Variants in MGAT4A observed in about 807,000 individuals in gnomAD.
MGAT4A encodes the protein alpha-1,3-mannosyl-glycoprotein 4-beta-N-acetylglucosaminyltransferase A.
In MGAT4A, 33 loss-of-function variants were observed where a neutral mutation model predicts 74.1. The ratio of observed to expected loss-of-function variants is 0.45; its 90% CI spans 0.34 to 0.60. The LOEUF (loss-of-function observed/expected upper bound fraction) is 0.60, where lower values mean the gene tolerates loss of function less well. MGAT4A is among the 20% of genes least tolerant of loss of function. The probability of loss-of-function intolerance (pLI) is 0.02; values close to 1 mark genes in which losing one functional copy is unlikely to be tolerated. For synonymous variants in MGAT4A, 198 were observed against 210.4 expected (o/e 0.94, Z 0.51); for missense variants, 479 against 628.3 (o/e 0.76, Z 2.54).
At chr2:98,659,478 C>T (rs988509731) in intron 5 of MGAT4A, among the ~76,000 whole-genome samples, 1 of 152,148 alleles carries the variant, frequency 6.6e-6, no homozygotes, top group Admixed American at 6.5e-5. Context: ...TTTGAGCCAG[C>T]CAGAGCCCTA....
At chr2:98,673,844 AGAT>A (rs889889163) in intron 4 of MGAT4A, among the ~76,000 whole-genome samples, 1 of 152,316 alleles carries the variant, frequency 6.6e-6, no homozygotes, top group Admixed American at 6.5e-5. Context: ...TTAAAGGGAG[AGAT>A]GATATCAGCT....
At chr2:98,659,394 A>G (rs1701711033) in intron 5 of MGAT4A, among the ~76,000 whole-genome samples, 1 of 152,102 alleles carries the variant, frequency 6.6e-6, no homozygotes, top group East Asian at 1.9e-4. Context: ...TTGCCCCTTC[A>G]AGGACCCCAG....
chr2:98,669,518 G>A (rs1701884124), intron 4 of MGAT4A, among the ~76,000 whole-genome samples: 1 of 152,220 alleles, frequency 6.6e-6, no homozygotes, highest in Middle Eastern at 3.4e-3. Flanking sequence ...CATGAAAATG[G>A]ACTAATACAG....
chr2:98,719,416 G>A (rs990372911), intron 2 of MGAT4A, among the ~76,000 whole-genome samples: 3 of 152,156 alleles, frequency 2.0e-5, no homozygotes, highest in Non-Finnish European at 4.4e-5. Context: ...CTGAAGCTGC[G>A]GCCAGCCACT....
chr2:98,720,991 A>G (rs1702661286), intron 2 of MGAT4A, among the ~76,000 whole-genome samples: 2 of 152,230 alleles, frequency 1.3e-5, no homozygotes, highest in African/African-American at 4.8e-5. Context: ...ACCCACAAAC[A>G]CATGGTGGAA....
chr2:98,723,719 T>C (rs1158427657), intron 2 of MGAT4A, among the ~76,000 whole-genome samples: 2 of 152,210 alleles, frequency 1.3e-5, no homozygotes, highest in Non-Finnish European at 2.9e-5. Flanking sequence ...CTGGACCTGA[T>C]ATGCCCAGTG....
intron 10 of MGAT4A, 106 bp from the exon 11 acceptor site, chr2:98,640,334 G>T: frequency 3.3e-6 from 3 of 920,074 alleles, no homozygotes; most frequent in Non-Finnish European, 5.0e-6. Flanking sequence ...GAAGGGCTGG[G>T]CGCGGTGGGT....
rs563995428 is a variant in MGAT4A at position 98,640,571 on chromosome 2, T to C, written c.1021-343A>G. Among the ~76,000 whole-genome samples, 14 of 152,212 alleles carry C rather than the reference T, an allele frequency of 9.2e-5. No homozygotes were observed. In the East Asian group the frequency reaches 2.5e-3, roughly 27 times the overall value. On this transcript the variant is annotated intron_variant, in intron 10 of 15. Transcript: ENST00000393487. ...GTGAGCCGAGATCGCACCACTGCACTCCAGCCTGGGTGACAGAGTAAAACT... is the reference window on the plus strand; with the variant it reads ...GTGAGCCGAGATCGCACCACTGCACCCCAGCCTGGGTGACAGAGTAAAACT...
chr2:98,729,219 C>A (rs1249672323), intron 1 of MGAT4A, among the ~76,000 whole-genome samples: 1 of 150,518 alleles, frequency 6.6e-6, no homozygotes, highest in East Asian at 1.9e-4. Flanking sequence ...AAGATACTTA[C>A]AATAAATTCT....
At chr2:98,690,008 CA>C (rs199886729) in intron 2 of MGAT4A, among the ~76,000 whole-genome samples, 34 of 143,708 alleles carry the variant, frequency 2.4e-4, no homozygotes, top group Middle Eastern at 3.4e-3. Context: ...AACAGGAGCA[CA>C]AAAAAAAAAG....
At chr2:98,722,608 TA>T (rs1702691987) in intron 2 of MGAT4A, among the ~76,000 whole-genome samples, 1 of 152,204 alleles carries the variant, frequency 6.6e-6, no homozygotes, top group Non-Finnish European at 1.5e-5. Flanking sequence ...AAAAATGCTC[TA>T]AAATTGACTG....
rs1024595676 is a variant in MGAT4A, at chr2:98,620,521, C to A, written c.*5045G>T. The A allele has an allele frequency of 1.3e-5, 2 of 151,994 alleles. No homozygotes were observed. Among genetic ancestry groups the A allele is most frequent in the Non-Finnish European group, 2.9e-5 (2 of 67,988 alleles). The allele number at this position is 151,994 out of a possible 1,614,324, so 9.4% of individuals were successfully genotyped here. The stretch of plus-strand genomic sequence containing the variant: ...TAAGCAGAAAAATTAATGGACAAAC[C>A]AAAATAAAACTTCATTAGCTATTAA... On this transcript the variant is annotated 3_prime_UTR_variant, in exon 16 of 16. Coordinates refer to ENST00000393487, the MANE Select transcript of MGAT4A (RefSeq NM_012214.3).
At chr2:98,697,838 A>G (rs1702298352) in intron 2 of MGAT4A, among the ~76,000 whole-genome samples, 1 of 152,186 alleles carries the variant, frequency 6.6e-6, no homozygotes, top group Non-Finnish European at 1.5e-5. Flanking sequence ...GATGTGTAAC[A>G]GTACTCTTTT....
At chr2:98,650,292 A>G (rs935373860) in intron 8 of MGAT4A, among the ~76,000 whole-genome samples, 2 of 152,210 alleles carry the variant, frequency 1.3e-5, no homozygotes, top group African/African-American at 2.4e-5. Context: ...TGGACAGCAC[A>G]AAGTGAAACA....
At chr2:98,689,858 T>C (rs969558755) in intron 2 of MGAT4A, among the ~76,000 whole-genome samples, 9 of 151,606 alleles carry the variant, frequency 5.9e-5, no homozygotes, top group African/African-American at 1.9e-4. Context: ...TAAGAAGACT[T>C]TGAAAGGTGG....
intron 2 of MGAT4A, among the ~76,000 whole-genome samples, chr2:98,692,402 C>G (rs993414136): frequency 6.6e-6 from 1 of 152,118 alleles, no homozygotes; most frequent in Non-Finnish European, 1.5e-5. Flanking sequence ...CTACCCCTAG[C>G]CAGGTTAATT....
chr2:98,699,664 A>G (rs1465648618), intron 2 of MGAT4A, among the ~76,000 whole-genome samples: 1 of 152,216 alleles, frequency 6.6e-6, no homozygotes, highest in Non-Finnish European at 1.5e-5. Flanking sequence ...TAATTATGGT[A>G]ATTGTAAAAT....
intron 2 of MGAT4A, among the ~76,000 whole-genome samples, chr2:98,691,532 T>G (rs953228645): frequency 2.6e-5 from 4 of 152,236 alleles, no homozygotes; most frequent in African/African-American, 9.6e-5. Context: ...ATGACTCACA[T>G]GGATGTGGTG....
At chr2:98,630,537 A>G (rs1701215691) in intron 14 of MGAT4A, among the ~76,000 whole-genome samples, 1 of 152,154 alleles carries the variant, frequency 6.6e-6, no homozygotes, top group Admixed American at 6.6e-5. Context: ...CTGAATTGGC[A>G]CATCTTAAGC....
Sources: gnomAD v4.1 joint callset for allele counts (sites outside exome capture counted in the v4.1 genomes callset) on GRCh38, gnomAD v4.1.1 for gene constraint, MANE v1.5 for transcripts, NCBI Gene and HGNC (gene_info 2026-07-23, HGNC 2026-07-21) for gene names.